Variants in MYH14 observed in about 807,000 individuals in gnomAD.
MYH14 encodes myosin-14.
Under a neutral mutation model 255.5 loss-of-function variants are expected in MYH14, and 123 were observed. That is an observed-to-expected ratio of 0.48 (90% confidence interval 0.42 to 0.56). The LOEUF (loss-of-function observed/expected upper bound fraction) is 0.56. MYH14 is among the 20% of genes least tolerant of loss of function. The pLI, the probability that MYH14 is intolerant of heterozygous loss-of-function variation, is 0.00. For missense variants in MYH14, 2,423 were observed against 2,802.3 expected (o/e 0.86, Z 3.06); for synonymous variants, 1,095 against 1,161.2 (o/e 0.94, Z 1.16).
chr19:50,206,145 C>T (rs891108261), intron 1 of MYH14, among the ~76,000 whole-genome samples: 5 of 151,918 alleles, frequency 3.3e-5, no homozygotes, highest in Admixed American at 3.3e-4. Context: ...ATCTTCAGAA[C>T]TCAGCATCCT....
At chr19:50,243,614 C>G (rs896453055) in intron 10 of MYH14, among the ~76,000 whole-genome samples, 3 of 152,174 alleles carry the variant, frequency 2.0e-5, no homozygotes, top group Admixed American at 1.3e-4. Context: ...GGCAACAGAG[C>G]AAGACCCCAT....
intron 27 of MYH14, among the ~76,000 whole-genome samples, chr19:50,274,061 G>C (rs788341): frequency 0.12 from 17,786 of 152,076 alleles, 2,532 homozygotes; most frequent in African/African-American, 0.34. Context: ...ATTGTAGACA[G>C]TACTCCTAAG....
chr19:50,297,537 G>A (rs540375461), intron 39 of MYH14, among the ~76,000 whole-genome samples: 38 of 110,060 alleles, frequency 3.5e-4, no homozygotes, highest in Non-Finnish European at 5.7e-4. Context: ...CGCTCTTGTC[G>A]CCTAGGCTGG....
intron 2 of MYH14, among the ~76,000 whole-genome samples, chr19:50,212,089 T>C (rs1200851109): frequency 6.6e-6 from 1 of 152,196 alleles, no homozygotes; most frequent in Non-Finnish European, 1.5e-5. Context: ...TGGAGGTTCG[T>C]TGCATTTTTA....
chr19:50,274,261 ATG>A (rs1453952217), intron 27 of MYH14, among the ~76,000 whole-genome samples: 2 of 152,098 alleles, frequency 1.3e-5, no homozygotes, highest in East Asian at 1.9e-4. Context: ...CCCATTCACA[ATG>A]CTGTGTAACC....
intron 3 of MYH14, among the ~76,000 whole-genome samples, chr19:50,218,243 G>T (rs574838145): frequency 6.6e-6 from 1 of 152,122 alleles, no homozygotes; most frequent in East Asian, 2.0e-4. Flanking sequence ...GCCTTCCAAA[G>T]TTCTGGGATT....
At chr19:50,237,061 G>A (rs965612762) in intron 10 of MYH14, among the ~76,000 whole-genome samples, 1 of 152,136 alleles carries the variant, frequency 6.6e-6, no homozygotes, top group African/African-American at 2.4e-5. Context: ...GATCCTTTGT[G>A]ACTGGCTGCT....
chr19:50,286,809 T>C (rs2035907684), intron 34 of MYH14, 115 bp downstream of exon 34: 10 of 1,051,376 alleles, frequency 9.5e-6, no homozygotes, highest in Non-Finnish European at 1.4e-5. Flanking sequence ...CATATGTTCA[T>C]GCACAAAGAG....
chr19:50,255,431 T>G, intron 17 of MYH14, 113 bp downstream of exon 17: 1 of 778,450 alleles, frequency 1.3e-6, no homozygotes, highest in South Asian at 1.5e-5. Flanking sequence ...TGTGGAGGTC[T>G]CTCACTCTTC....
rs548346327 is a variant in MYH14, at chr19:50,252,535, A to C, written c.1831-104A>C. 3 of 774,702 alleles carry C rather than the reference A, an allele frequency of 3.9e-6. No individual in the cohort carries two copies. The African/African-American group carries it at 5.5e-5, about 14-fold the overall frequency. The allele number at this position is 774,702 out of a possible 1,614,324, so 48.0% of individuals were successfully genotyped here. The stretch of plus-strand genomic sequence containing the variant: ...CACCAGTGCTCGCTTGTCCATGGTG[A>C]GCTCCAGACCTGGGAGTCTCAGAGC... On this transcript the variant is annotated intron_variant, in intron 15 of 42. Transcript: ENST00000642316. The surrounding 1 kb of genome is among the most constrained non-coding windows in gnomAD (Gnocchi z 4.2).
At chr19:50,234,567 C>T (rs1391972496) in intron 10 of MYH14, among the ~76,000 whole-genome samples, 4 of 150,362 alleles carry the variant, frequency 2.7e-5, no homozygotes, top group Non-Finnish European at 5.9e-5. Flanking sequence ...TTGGGCCTCT[C>T]CCACCCCCAC....
At chr19:50,248,878 G>A (rs2034239540) in intron 12 of MYH14, 109 bp from the exon 13 acceptor site, 1 of 1,124,066 alleles carries the variant, frequency 8.9e-7, no homozygotes, top group Non-Finnish European at 1.3e-6. Context: ...AAGGAGCTGG[G>A]AGGCGACCTT....
At chr19:50,286,344 A>G (rs563727964) in intron 33 of MYH14, 138 bp from the exon 34 acceptor site, 6 of 839,482 alleles carry the variant, frequency 7.1e-6, no homozygotes, top group Admixed American at 2.8e-5. Flanking sequence ...TAATCCCTCT[A>G]CCTCCCTCTT....
intron 39 of MYH14, among the ~76,000 whole-genome samples, chr19:50,294,640 G>A (rs1056321075): frequency 2.8e-4 from 43 of 151,496 alleles, no homozygotes; most frequent in African/African-American, 9.9e-4. Flanking sequence ...GAGGAGGGAG[G>A]ATCGCTTCAG....
At chr19:50,227,651 A>C (rs1408877571) in intron 8 of MYH14, among the ~76,000 whole-genome samples, 1 of 152,146 alleles carries the variant, frequency 6.6e-6, no homozygotes, top group Non-Finnish European at 1.5e-5. Flanking sequence ...AGGCCTTTCC[A>C]GGGGAGCATC....
intron 34 of MYH14, among the ~76,000 whole-genome samples, chr19:50,288,740 A>G (rs1474087981): frequency 1.3e-5 from 2 of 152,160 alleles, no homozygotes; most frequent in Non-Finnish European, 2.9e-5. Flanking sequence ...AGCAAATGTC[A>G]AATGACCACT....
rs759150031 is a variant in MYH14, at chr19:50,286,500, G to T, written c.4558G>T (p.Ala1520Ser). ...CTGGAAGCTTCTGGCAGAGGAGAAG[G>T]CAGCTGTACTTCGGGCAGTGGAGGA... is the stretch of plus-strand genomic sequence containing the variant. ...KFDQLLAEEK[A>S]AVLRAVEERE... The change falls in exon 34 of 43, where the codon GCA becomes TCA. Residue 1520 changes from alanine (A) to serine (S), a missense_variant. Physicochemically the swap from Ala to Ser is moderately conservative, Grantham distance 99 (BLOSUM62 1). Around this residue, in one of 3 missense-constraint regions of MYH14, gnomAD observed 1,513 missense variants for 1,674.8 expected, o/e 0.90. Coordinates refer to ENST00000642316, the MANE Select transcript of MYH14 (RefSeq NM_001145809.2). The T allele has an allele frequency of 8.7e-6, 14 of 1,613,032 alleles. No individual in the cohort carries two copies. The highest frequency in any genetic ancestry group is 1.1e-5 in the Non-Finnish European group (13 of 1,179,312).
Position 50,280,352 on chromosome 19 carries a change from C to A in MYH14, c.4259C>A (p.Ala1420Glu). Reference protein sequence around the residue: ...LEEEAAARERAGRELQTAQAQ... With the variant: ...LEEEAAAREREGRELQTAQAQ... ...GAGGAGGCAGCTGCCAGGGAACGGG[C>A]GGGCCGTGAACTGCAGACTGCCCAG... Residue 1420 changes from alanine (A) to glutamate (E), a missense_variant, in exon 32 of 43, where the codon GCG becomes GAG. Transcript: ENST00000642316. The surrounding 1 kb of genome is among the most constrained non-coding windows in gnomAD (Gnocchi z 4.8). 2.6e-6 allele frequency: 4 copies of A among 1,547,060 alleles called. No individual in the cohort carries two copies. Among genetic ancestry groups the A allele is most frequent in the Non-Finnish European group, 3.5e-6 (4 of 1,145,258 alleles).
At chr19:50,240,917 C>T (rs1230518070) in intron 10 of MYH14, among the ~76,000 whole-genome samples, 1 of 152,124 alleles carries the variant, frequency 6.6e-6, no homozygotes, top group Non-Finnish European at 1.5e-5. Flanking sequence ...GATTGAGTGC[C>T]TCAGTTACCC....
Sources: allele counts gnomAD v4.1 joint callset (sites outside exome capture counted in the v4.1 genomes callset), GRCh38; gene constraint gnomAD v4.1.1; regional missense constraint gnomAD v4.1.1; non-coding constraint Gnocchi (gnomAD v3.1); transcripts MANE v1.5; gene names NCBI Gene and HGNC (gene_info 2026-07-23, HGNC 2026-07-21).